Variants in HS3ST5 observed in about 807,000 individuals in gnomAD.
HS3ST5 encodes heparan sulfate glucosamine 3-O-sulfotransferase 5.
Under a neutral mutation model 25.4 loss-of-function variants are expected in HS3ST5, and 10 were observed. The observed-to-expected ratio is 0.39, with a 90% CI of 0.24 to 0.67. The LOEUF is 0.67. Among genes scored for constraint, HS3ST5 ranks in the 30% least tolerant of loss-of-function variants. HS3ST5 has a pLI of 0.44. For synonymous variants in HS3ST5, 170 were observed against 162.4 expected, an observed-to-expected ratio of 1.05 and a Z score of -0.36; for missense variants, 324 against 420.7, an observed-to-expected ratio of 0.77 and a Z score of 2.01.
At chr6:114,340,621 T>A (rs1034373923) in intron 1 of HS3ST5, 2 of 152,206 alleles carry the variant, frequency 1.3e-5, no homozygotes, top group Non-Finnish European at 2.9e-5. Context: ...GGAAGGTAAG[T>A]AGTATTGTTT....
At chr6:114,091,608 C>T (rs542812592) in intron 3 of HS3ST5, among the ~76,000 whole-genome samples, 15 of 151,878 alleles carry the variant, frequency 9.9e-5, no homozygotes, top group African/African-American at 2.7e-4. Context: ...GGCATGAACC[C>T]GGGAGGCAGA....
chr6:114,333,476 T>C (rs1473034671), intron 1 of HS3ST5, among the ~76,000 whole-genome samples: 2 of 152,126 alleles, frequency 1.3e-5, no homozygotes, highest in Non-Finnish European at 2.9e-5. Context: ...AGAATGCTAA[T>C]ATTTGTGGAA....
intron 3 of HS3ST5, among the ~76,000 whole-genome samples, chr6:114,144,877 A>G (rs1778077941): frequency 6.6e-6 from 1 of 152,232 alleles, no homozygotes. Context: ...TATAACAGCT[A>G]TTCAGTAAAC....
intron 1 of HS3ST5, among the ~76,000 whole-genome samples, chr6:114,239,740 A>G (rs1248955688): frequency 3.3e-5 from 5 of 152,156 alleles, no homozygotes; most frequent in African/African-American, 1.2e-4. Context: ...TGTATCTGAA[A>G]GACTGCCTAA....
chr6:114,232,133 A>G (rs1429902030), intron 1 of HS3ST5, among the ~76,000 whole-genome samples: 1 of 151,984 alleles, frequency 6.6e-6, no homozygotes, highest in Non-Finnish European at 1.5e-5. Context: ...CATCTCTCGT[A>G]TTATCCATAT....
chr6:114,084,293 G>C (rs1193441916), intron 3 of HS3ST5: 1 of 782,324 alleles, frequency 1.3e-6, no homozygotes, highest in African/African-American at 1.7e-5. Flanking sequence ...GTCACAGAGG[G>C]CACCTGCACA....
intron 2 of HS3ST5, among the ~76,000 whole-genome samples, chr6:114,170,081 A>G (rs1779406907): frequency 6.6e-6 from 1 of 152,174 alleles, no homozygotes; most frequent in Non-Finnish European, 1.5e-5. Context: ...AGAAGGTAAG[A>G]GCTAACAAAA....
intron 3 of HS3ST5, chr6:114,143,150 T>G (rs977272888): frequency 6.6e-6 from 1 of 152,234 alleles, no homozygotes; most frequent in Non-Finnish European, 1.5e-5. Context: ...ACTGGACATG[T>G]GGCCTTGGGC....
intron 1 of HS3ST5, among the ~76,000 whole-genome samples, chr6:114,277,126 A>G (rs1773891359): frequency 6.6e-6 from 1 of 151,660 alleles, no homozygotes; most frequent in Non-Finnish European, 1.5e-5. Flanking sequence ...AAGACCACAT[A>G]CCACAAGATT....
intron 3 of HS3ST5, among the ~76,000 whole-genome samples, chr6:114,131,458 TA>T (rs1777328825): frequency 1.3e-5 from 2 of 152,290 alleles, no homozygotes; most frequent in South Asian, 4.1e-4. Flanking sequence ...TTTCACAGTG[TA>T]AAAATACATA....
intron 1 of HS3ST5, among the ~76,000 whole-genome samples, chr6:114,241,682 T>C (rs1475254085): frequency 1.3e-5 from 2 of 152,162 alleles, no homozygotes; most frequent in Non-Finnish European, 1.5e-5. Context: ...TTATAAGAGA[T>C]TTTGAAAAGG....
chr6:114,074,678 C>A (rs1307479060), intron 3 of HS3ST5, among the ~76,000 whole-genome samples: 2 of 152,094 alleles, frequency 1.3e-5, no homozygotes, highest in African/African-American at 4.8e-5. Context: ...TATACCCTGC[C>A]ACTGACTATG....
chr6:114,103,340 TA>T (rs990982521), intron 3 of HS3ST5, among the ~76,000 whole-genome samples: 10 of 151,564 alleles, frequency 6.6e-5, no homozygotes, highest in Non-Finnish European at 1.0e-4. Context: ...CTTAAAAGCT[TA>T]AAAAAAATGA....
intron 1 of HS3ST5, among the ~76,000 whole-genome samples, chr6:114,260,479 T>C (rs989406631): frequency 6.6e-6 from 1 of 152,210 alleles, no homozygotes; most frequent in Non-Finnish European, 1.5e-5. Flanking sequence ...AGTTTAAAGA[T>C]GTGATATTTA....
intron 3 of HS3ST5, among the ~76,000 whole-genome samples, chr6:114,153,570 T>A (rs1270483526): frequency 6.6e-6 from 1 of 152,216 alleles, no homozygotes; most frequent in African/African-American, 2.4e-5. Flanking sequence ...GAAATTTCTG[T>A]CCTGGATTAT....
intron 1 of HS3ST5, among the ~76,000 whole-genome samples, chr6:114,340,968 C>A (rs1198101318): frequency 6.6e-6 from 1 of 151,508 alleles, no homozygotes; most frequent in Admixed American, 6.6e-5. Flanking sequence ...CCACTTTCGC[C>A]CCCACCCAAC....
chr6:114,250,298 G>A (rs374542714), intron 1 of HS3ST5, among the ~76,000 whole-genome samples: 3 of 152,264 alleles, frequency 2.0e-5, no homozygotes, highest in African/African-American at 2.4e-5. Flanking sequence ...AAAATTATCA[G>A]AGGCTGGGCA....
At chr6:114,259,735 A>T (rs1773084621) in intron 1 of HS3ST5, among the ~76,000 whole-genome samples, 1 of 152,176 alleles carries the variant, frequency 6.6e-6, no homozygotes, top group African/African-American at 2.4e-5. Context: ...GAAGTCCCTA[A>T]ATACATATAT....
chr6:114,218,411 C>T (rs979931575), intron 2 of HS3ST5, among the ~76,000 whole-genome samples: 4 of 152,118 alleles, frequency 2.6e-5, no homozygotes, highest in Non-Finnish European at 4.4e-5. Context: ...TAAGCAGTTC[C>T]GGTTTCAATG....
Sources: allele counts gnomAD v4.1 joint callset (sites outside exome capture counted in the v4.1 genomes callset), GRCh38; gene constraint gnomAD v4.1.1; transcripts MANE v1.5; gene names NCBI Gene and HGNC (gene_info 2026-07-23, HGNC 2026-07-21).